ABLIM2: variants seen among roughly 807,000 people sequenced by gnomAD.
ABLIM2 encodes the protein actin binding LIM protein family member 2.
Under a neutral mutation model 97.7 loss-of-function variants are expected in ABLIM2, and 53 were observed. That is an observed-to-expected ratio of 0.54 (90% confidence interval 0.44 to 0.68). The LOEUF (loss-of-function observed/expected upper bound fraction) is 0.68. ABLIM2 is among the 30% of genes least tolerant of loss of function. The probability of loss-of-function intolerance (pLI) is 0.00; values close to 1 mark genes in which losing one functional copy is unlikely to be tolerated. For missense variants in ABLIM2, 835 were observed against 867.2 expected, an observed-to-expected ratio of 0.96 and a Z score of 0.47; for synonymous variants, 361 against 345.8, an observed-to-expected ratio of 1.04 and a Z score of -0.49.
intron 2 of ABLIM2, among the ~76,000 whole-genome samples, chr4:8,105,899 T>C (rs1837162099): frequency 6.6e-6 from 1 of 152,116 alleles, no homozygotes; most frequent in South Asian, 2.1e-4. Flanking sequence ...GCACAGGCCA[T>C]CTCCGTTGGC....
At position 8,001,208 on chromosome 4, in the gene ABLIM2, C is replaced by T. The variant is rs545586419; in HGVS notation, c.1618+6851G>A. On this transcript the variant is annotated intron_variant, in intron 16 of 20. Coordinates refer to ENST00000447017, the MANE Select transcript of ABLIM2 (RefSeq NM_001130083.2). This position sits in a 1 kb window ranked among gnomAD's most constrained non-coding sequence, Gnocchi z 4.2. ...GGAGGGGAGGCAGAGCTTCCGGTGT[C>T]GGGGCCCAGGCAGCATTGGAGGAGG... 5.8e-4 allele frequency among the ~76,000 whole-genome samples: 88 copies of T among 152,266 alleles called. No homozygotes were observed. The highest frequency in any genetic ancestry group is 1.8e-3 in the African/African-American group (75 of 41,554).
chr4:7,969,132 A>C (rs1303627871), intron 20 of ABLIM2, among the ~76,000 whole-genome samples: 2 of 151,730 alleles, frequency 1.3e-5, no homozygotes, highest in Non-Finnish European at 1.5e-5. Flanking sequence ...ACTCCATCTC[A>C]AAAAAATAAA....
Position 7,992,735 on chromosome 4 carries a change from A to T in ABLIM2, c.1680+131T>A. On this transcript the variant is annotated intron_variant, in intron 17 of 20. Transcript: ENST00000447017. The surrounding 1 kb of genome is among the most constrained non-coding windows in gnomAD (Gnocchi z 5.7). Reference sequence around the variant, plus strand: ...AGTGGCAGCCCCTGGGAAGGGCATCAGGCAGAGGCAGGTGGGCCGCGGGGT... The same window carrying T: ...AGTGGCAGCCCCTGGGAAGGGCATCTGGCAGAGGCAGGTGGGCCGCGGGGT... 2 of 950,116 alleles carry T rather than the reference A, an allele frequency of 2.1e-6. No homozygotes were observed. The highest frequency in any genetic ancestry group is 3.3e-6 in the Non-Finnish European group (2 of 613,732). 58.9% of individuals were successfully genotyped at this position (950,116 alleles called of 1,614,324 possible). A position where few individuals can be genotyped will look rare whatever the true frequency, so the allele number is the denominator to read the frequency against.
At chr4:8,049,933 G>A (rs765359034) in intron 8 of ABLIM2, among the ~76,000 whole-genome samples, 1 of 152,106 alleles carries the variant, frequency 6.6e-6, no homozygotes, top group Non-Finnish European at 1.5e-5. Context: ...TCACCATGTT[G>A]GCCAGGCTGG....
chr4:8,036,086 C>T (rs550599456), intron 10 of ABLIM2, 63 bp downstream of exon 10: 3 of 1,583,348 alleles, frequency 1.9e-6, no homozygotes, highest in South Asian at 1.2e-5. Flanking sequence ...AGGGATGACG[C>T]CTGTCCTGCA....
chr4:7,991,995 A>G (rs1272483384), intron 17 of ABLIM2, among the ~76,000 whole-genome samples: 4 of 152,160 alleles, frequency 2.6e-5, no homozygotes, highest in Non-Finnish European at 5.9e-5. Context: ...GCCTCGGTTG[A>G]GAGGTGAATT....
At position 8,061,144 on chromosome 4, in the gene ABLIM2, A is replaced by C. The variant is rs6853901; in HGVS notation, c.676-90T>G. ...CCCGGCATGGATACAGCATGCCCTG[A>C]GCACAGGTACTCAGGGGATACTGGA... is the stretch of plus-strand genomic sequence containing the variant. On this transcript the variant is annotated intron_variant, in intron 6 of 20. Coordinates refer to ENST00000447017, the MANE Select transcript of ABLIM2 (RefSeq NM_001130083.2). The surrounding 1 kb of genome is among the most constrained non-coding windows in gnomAD (Gnocchi z 4.5). The C allele has an allele frequency of 0.69, 766,811 of 1,112,062 alleles. 269,241 individuals carry two copies. Among genetic ancestry groups the C allele is most frequent in the East Asian group, 0.99 (37,268 of 37,552 alleles). The allele number at this position is 1,112,062 out of a possible 1,614,324, so 68.9% of individuals were successfully genotyped here.
chr4:8,054,302 G>T lies in ABLIM2; in HGVS notation c.764-56C>A. Reference sequence around the variant, plus strand: ...TAGAGTTATTTCCCATGTTGCAGGGGCCTGTGTGGAAACGCAGAGGAGGGA... The same window carrying T: ...TAGAGTTATTTCCCATGTTGCAGGGTCCTGTGTGGAAACGCAGAGGAGGGA... On this transcript the variant is annotated intron_variant, in intron 7 of 20. Coordinates refer to ENST00000447017, the MANE Select transcript of ABLIM2 (RefSeq NM_001130083.2). This position sits in a 1 kb window ranked among gnomAD's most constrained non-coding sequence, Gnocchi z 4.9. The T allele has an allele frequency of 2.5e-6, 4 of 1,587,294 alleles. No individual in the cohort carries two copies. Among genetic ancestry groups the T allele is most frequent in the Middle Eastern group, 1.8e-4 (1 of 5,696 alleles).
At chr4:7,977,966 G>C (rs992521768) in intron 20 of ABLIM2, among the ~76,000 whole-genome samples, 3 of 152,106 alleles carry the variant, frequency 2.0e-5, no homozygotes, top group African/African-American at 7.2e-5. Context: ...GAGATGATGT[G>C]CAAGAGATTT....
rs1470841374 is a variant in ABLIM2, at chr4:8,075,117, T to C, written c.675+2511A>G. ...CAATTCTGAGAGTCATGATGAAATA[T>C]GATGCGAGAGTAAAGCTTATGTCCG... On this transcript the variant is annotated intron_variant, in intron 6 of 20. Transcript: ENST00000447017. This position sits in a 1 kb window ranked among gnomAD's most constrained non-coding sequence, Gnocchi z 4.4. Among the ~76,000 whole-genome samples the C allele has an allele frequency of 1.3e-5, 2 of 152,156 alleles. No homozygotes were observed. The highest frequency in any genetic ancestry group is 2.9e-5 in the Non-Finnish European group (2 of 68,038).
chr4:8,070,448 C>T (rs1394368315), intron 6 of ABLIM2, among the ~76,000 whole-genome samples: 1 of 151,914 alleles, frequency 6.6e-6, no homozygotes, highest in Non-Finnish European at 1.5e-5. Flanking sequence ...AAGTTGGGGA[C>T]TTGAGAAGTC....
At chr4:8,146,522 T>C (rs577528018) in intron 1 of ABLIM2, among the ~76,000 whole-genome samples, 1 of 152,364 alleles carries the variant, frequency 6.6e-6, no homozygotes, top group East Asian at 1.9e-4. Flanking sequence ...ACACATTTTT[T>C]ATTTTTCAAT....
At position 7,998,150 on chromosome 4, in the gene ABLIM2, T is replaced by G. The variant is rs2150116434; in HGVS notation, c.1619-5223A>C. Reference sequence around the variant, plus strand: ...ATCCGTCCTCCTCGGCCTCCCAAAGTGCTGGGATTACAGGTGTGAGCCACT... The same window carrying G: ...ATCCGTCCTCCTCGGCCTCCCAAAGGGCTGGGATTACAGGTGTGAGCCACT... On this transcript the variant is annotated intron_variant, in intron 16 of 20. Coordinates refer to ENST00000447017, the MANE Select transcript of ABLIM2 (RefSeq NM_001130083.2). This position sits in a 1 kb window ranked among gnomAD's most constrained non-coding sequence, Gnocchi z 6.4. Among the ~76,000 whole-genome samples the G allele has an allele frequency of 6.6e-6, 1 of 152,172 alleles. No individual in the cohort carries two copies. Among genetic ancestry groups the G allele is most frequent in the Middle Eastern group, 3.4e-3 (1 of 294 alleles).
chr4:8,050,184 G>C (rs78051679), intron 8 of ABLIM2, among the ~76,000 whole-genome samples: 5,638 of 152,218 alleles, frequency 0.037, 327 homozygotes, highest in African/African-American at 0.12. Context: ...AACACCTTGG[G>C]CGCCTGTTCT....
intron 15 of ABLIM2, 21 bp from the exon 16 acceptor site, chr4:8,008,221 C>T: frequency 6.2e-7 from 1 of 1,608,716 alleles, no homozygotes; most frequent in Non-Finnish European, 8.5e-7. Flanking sequence ...AAAACAAAGT[C>T]ATGCAAATGT....
rs1328242875 is a variant in ABLIM2, at chr4:8,046,411, C to G, written c.823-1170G>C. On this transcript the variant is annotated intron_variant, in intron 8 of 20. Coordinates refer to ENST00000447017, the MANE Select transcript of ABLIM2 (RefSeq NM_001130083.2). This position sits in a 1 kb window ranked among gnomAD's most constrained non-coding sequence, Gnocchi z 4.4. Reference sequence around the variant, plus strand: ...CTCCTGGGCCACCTGCCTGGCCTTCCCCACGCCTCCTATTCACCCTGTCCA... The same window carrying G: ...CTCCTGGGCCACCTGCCTGGCCTTCGCCACGCCTCCTATTCACCCTGTCCA... Among the ~76,000 whole-genome samples, 2 of 152,068 alleles carry G rather than the reference C, an allele frequency of 1.3e-5. No homozygotes were observed. Among genetic ancestry groups the G allele is most frequent in the East Asian group, 3.9e-4 (2 of 5,172 alleles).
rs1722932384 is a variant in ABLIM2 at position 7,966,269 on chromosome 4, A to G, written c.*721T>C. The stretch of plus-strand genomic sequence containing the variant: ...GAGGGACCGTAAAATTAAACTCTAT[A>G]TATGTCATCTCGCGTTTAAGTAGGC... On this transcript the variant is annotated 3_prime_UTR_variant, in exon 21 of 21. Coordinates refer to ENST00000447017, the MANE Select transcript of ABLIM2 (RefSeq NM_001130083.2). 6.6e-6 allele frequency: 1 copy of G among 152,652 alleles called. No individual in the cohort carries two copies. Among genetic ancestry groups the G allele is most frequent in the Non-Finnish European group, 1.5e-5 (1 of 68,050 alleles). 9.5% of individuals were successfully genotyped at this position (152,652 alleles called of 1,614,324 possible). A position where few individuals can be genotyped will look rare whatever the true frequency, so the allele number is the denominator to read the frequency against.
chr4:8,108,540 A>G (rs534371282), intron 1 of ABLIM2, among the ~76,000 whole-genome samples: 1 of 152,360 alleles, frequency 6.6e-6, no homozygotes, highest in South Asian at 2.1e-4. Flanking sequence ...AGGTTAAACA[A>G]TAACTCGGTC....
chr4:7,989,660 A>G (rs1391627069), intron 17 of ABLIM2, among the ~76,000 whole-genome samples: 3 of 152,094 alleles, frequency 2.0e-5, no homozygotes, highest in African/African-American at 7.2e-5. Flanking sequence ...CTTATCCTTT[A>G]AAAGTAGTTT....
Sources: allele counts gnomAD v4.1 joint callset (sites outside exome capture counted in the v4.1 genomes callset), GRCh38; gene constraint gnomAD v4.1.1; non-coding constraint Gnocchi (gnomAD v3.1); transcripts MANE v1.5; gene names NCBI Gene and HGNC (gene_info 2026-07-23, HGNC 2026-07-21).